The following MEGF6 variants were observed in gnomAD, a reference collection of about 807,000 sequenced individuals.
The protein encoded by MEGF6 is multiple epidermal growth factor-like domains protein 6.
Under a neutral mutation model 207.1 loss-of-function variants are expected in MEGF6, and 184 were observed. The ratio of observed to expected loss-of-function variants is 0.89; its 90% CI spans 0.79 to 1.00. The LOEUF (loss-of-function observed/expected upper bound fraction) is 1.00. Ranked by LOEUF, MEGF6 falls within the 50% of genes least tolerant of loss-of-function variation. The probability of loss-of-function intolerance (pLI) is 0.00; values close to 1 mark genes in which losing one functional copy is unlikely to be tolerated. For missense variants in MEGF6, 2,282 were observed against 2,202.9 expected, an observed-to-expected ratio of 1.04 and a Z score of -0.72; for synonymous variants, 1,038 against 910.0, an observed-to-expected ratio of 1.14 and a Z score of -2.53.
At chr1:3,511,456 A>T in intron 9 of MEGF6, 94 bp downstream of exon 9, 1 of 1,412,794 alleles carries the variant, frequency 7.1e-7, no homozygotes, top group Non-Finnish European at 9.4e-7. Context: ...ACTGACGAGG[A>T]CCTCCAAGTC....
At chr1:3,602,106 C>A (rs966752608) in intron 2 of MEGF6, among the ~76,000 whole-genome samples, 2 of 152,244 alleles carry the variant, frequency 1.3e-5, no homozygotes, top group African/African-American at 4.8e-5. Context: ...TGTTGGGGAA[C>A]AAGGCCCTAG....
Position 3,536,888 on chromosome 1 carries a change from A to G in MEGF6, c.482-12642T>C, listed in dbSNP as rs540301365. Among the ~76,000 whole-genome samples the G allele has an allele frequency of 1.3e-4, 20 of 151,974 alleles. No individual in the cohort carries two copies. The South Asian group carries it at 4.2e-3, about 32-fold the overall frequency. ...TGGAAGTGGACGAGGTCCAGCCAAC[A>G]CCCCCAACTGCTGTGTGTGTCTGTC... On this transcript the variant is annotated intron_variant, in intron 4 of 36. Coordinates refer to ENST00000356575, the MANE Select transcript of MEGF6 (RefSeq NM_001409.4).
chr1:3,597,328 C>T (rs1219895009), intron 2 of MEGF6, among the ~76,000 whole-genome samples: 3 of 152,300 alleles, frequency 2.0e-5, no homozygotes, highest in Non-Finnish European at 4.4e-5. Context: ...GCCGCCCTGA[C>T]GCCTGGGTCC....
Position 3,509,132 on chromosome 1 carries a change from C to A in MEGF6, c.1471G>T (p.Gly491Trp). Residue 491 changes from glycine to tryptophan, a missense_variant, in exon 12 of 37, where the codon GGG (glycine) becomes TGG (tryptophan). Gly to Trp is a radical substitution (Grantham distance 184). Coordinates refer to ENST00000356575, the MANE Select transcript of MEGF6 (RefSeq NM_001409.4). ...AACTCTGCCTCTTCCTCATCGGCCC[C>A]GACGTCGTCATCCTGGAAGAGTTGC... ...LPQLFQDDDV[G>W]ADEEEAELRG... 1 of 1,600,366 alleles carries A rather than the reference C, an allele frequency of 6.2e-7. No individual in the cohort carries two copies. The highest frequency in any genetic ancestry group is 8.5e-7 in the Non-Finnish European group (1 of 1,174,316).
At chr1:3,536,620 T>A (rs953179190) in intron 4 of MEGF6, among the ~76,000 whole-genome samples, 8 of 152,032 alleles carry the variant, frequency 5.3e-5, no homozygotes, top group African/African-American at 1.9e-4. Context: ...CTGGAAGCTG[T>A]TTGGGAAATG....
rs1643316600 is a variant in MEGF6 at position 3,565,434 on chromosome 1, G to C, written c.481+14391C>G. ...CCAGGGGGTGCCAGCGCCCCACCCT[G>C]AGCACGCGGCAAGAAGGGAGGTGGG... On this transcript the variant is annotated intron_variant, in intron 4 of 36. Coordinates refer to ENST00000356575, the MANE Select transcript of MEGF6 (RefSeq NM_001409.4). This position sits in a 1 kb window ranked among gnomAD's most constrained non-coding sequence, Gnocchi z 4.8. Among the ~76,000 whole-genome samples, 1 of 152,184 alleles carries C rather than the reference G, an allele frequency of 6.6e-6. No homozygotes were observed. The highest frequency in any genetic ancestry group is 2.4e-5 in the African/African-American group (1 of 41,446).
At position 3,498,786 on chromosome 1, in the gene MEGF6, G is replaced by A. The variant is rs185720697; in HGVS notation, c.3135C>T (p.Ser1045=). Reference sequence around the variant, plus strand: ...AGGTCCCTCCGTTCTGGCAGAGGCAGGAATGCCGACAGTTGTCGCCGTACA... The same window carrying A: ...AGGTCCCTCCGTTCTGGCAGAGGCAAGAATGCCGACAGTTGTCGCCGTACA... ...AGLYGDNCRH[S]CLCQNGGTCD... Residue 1045 remains serine (S), a synonymous_variant, in exon 25 of 37, where the codon TCC becomes TCT. Coordinates refer to ENST00000356575, the MANE Select transcript of MEGF6 (RefSeq NM_001409.4). The A allele has an allele frequency of 1.9e-6, 3 of 1,556,428 alleles. No individual in the cohort carries two copies. The highest frequency in any genetic ancestry group is 1.4e-5 in the African/African-American group (1 of 73,652).
Position 3,611,345 on chromosome 1 carries a change from G to A in MEGF6, c.-77C>T. On this transcript the variant is annotated 5_prime_UTR_variant, in exon 1 of 37. Transcript: ENST00000356575. ...CTCCCCGGAGCCTCCGCCTCCACGT[G>A]CGCCATAGGACGCAGCCACAGGTGC... The A allele has an allele frequency of 7.3e-7, 1 of 1,375,190 alleles. No homozygotes were observed. The highest frequency in any genetic ancestry group is 9.3e-7 in the Non-Finnish European group (1 of 1,070,398). The allele number at this position is 1,375,190 out of a possible 1,614,324, so 85.2% of individuals were successfully genotyped here. A position where few individuals can be genotyped will look rare whatever the true frequency, so the allele number is the denominator to read the frequency against.
chr1:3,508,972 T>C (rs1641224062), intron 12 of MEGF6, 103 bp downstream of exon 12: 3 of 1,325,584 alleles, frequency 2.3e-6, no homozygotes, highest in African/African-American at 1.5e-5. Context: ...GCAGGGGTCC[T>C]TCCTCACGTC....
chr1:3,599,823 T>A (rs1644130611), intron 2 of MEGF6, among the ~76,000 whole-genome samples: 1 of 152,016 alleles, frequency 6.6e-6, no homozygotes, highest in Non-Finnish European at 1.5e-5. Context: ...CTGCTGGGGC[T>A]GTTCTGCGCG....
rs764288990 is a variant in MEGF6, at chr1:3,507,895, G to A, written c.1689C>T (p.Asn563=). The change falls in exon 14 of 37, where the codon AAC becomes AAT. Residue 563 remains asparagine, a synonymous_variant. Transcript: ENST00000356575. The stretch of plus-strand genomic sequence containing the variant: ...TCTGACAGCTGCAGGAGAAGCTGCA[G>A]TTCTTCCCAAAGGTGTCCGGAGGAC... The part of the protein sequence containing the change: ...ETCPPDTFGK[N]CSFSCSCQNG... The A allele has an allele frequency of 1.6e-5, 25 of 1,612,808 alleles. No individual in the cohort carries two copies. In the East Asian group the frequency reaches 5.1e-4, roughly 33 times the overall value.
chr1:3,554,246 G>T (rs1302134517), intron 4 of MEGF6, among the ~76,000 whole-genome samples: 2 of 152,176 alleles, frequency 1.3e-5, no homozygotes, highest in Non-Finnish European at 2.9e-5. Context: ...GAGGACTCTG[G>T]GTTCCAACAC....
chr1:3,491,928 G>A (rs189026516), intron 35 of MEGF6, among the ~76,000 whole-genome samples: 2 of 151,598 alleles, frequency 1.3e-5, no homozygotes, highest in East Asian at 3.9e-4. Context: ...GCTGGAGCAC[G>A]CTCACACATG....
chr1:3,569,162 G>A (rs1048668344), intron 4 of MEGF6, among the ~76,000 whole-genome samples: 7 of 152,226 alleles, frequency 4.6e-5, no homozygotes, highest in Admixed American at 2.0e-4. Flanking sequence ...GCCACCAGCC[G>A]CCTGTTCAGG....
rs577000674 is a variant in MEGF6 at position 3,573,719 on chromosome 1, G to C, written c.481+6106C>G. ...CCCTCCCACCACTCCCTGGGGCACA[G>C]AGTCTGAGTCTGGCAGCGGCAGCTC... On this transcript the variant is annotated intron_variant, in intron 4 of 36. Transcript: ENST00000356575. This position sits in a 1 kb window ranked among gnomAD's most constrained non-coding sequence, Gnocchi z 5.1. Among the ~76,000 whole-genome samples the C allele has an allele frequency of 9.8e-5, 15 of 152,286 alleles. No homozygotes were observed. The highest frequency in any genetic ancestry group is 3.4e-4 in the African/African-American group (14 of 41,576).
At chr1:3,586,224 G>A (rs912632349) in intron 3 of MEGF6, among the ~76,000 whole-genome samples, 2 of 152,230 alleles carry the variant, frequency 1.3e-5, no homozygotes, top group Non-Finnish European at 1.5e-5. Context: ...CATGTCCTGT[G>A]TGTGGGTGTG....
In MEGF6 at chr1:3,509,144, C is replaced by T. The variant is rs775919968; in HGVS notation, c.1459G>A (p.Asp487Asn). 1.4e-5 allele frequency: 22 copies of T among 1,595,536 alleles called. No homozygotes were observed. The highest frequency in any genetic ancestry group is 1.7e-4 in the Middle Eastern group (1 of 6,034). ...LQDELPQLFQ[D>N]DDVGADEEEA... is the part of the protein sequence containing the mutation. The stretch of plus-strand genomic sequence containing the variant: ...TCCTCATCGGCCCCGACGTCGTCAT[C>T]CTGGAAGAGTTGCGGCAGCTCGTCC... The change falls in exon 12 of 37, where the codon GAT becomes AAT. Residue 487 changes from aspartate to asparagine, a missense_variant. Transcript: ENST00000356575.
rs761872964 is a variant in MEGF6, at chr1:3,506,245, AGCGGG to A, written c.1790-14_1790-10del. The A allele has an allele frequency of 6.8e-6, 11 of 1,607,596 alleles. No individual in the cohort carries two copies. In the South Asian group the frequency reaches 1.2e-4, roughly 18 times the overall value. On this transcript the variant is annotated splice_polypyrimidine_tract_variant and intron_variant, in intron 14 of 36. Coordinates refer to ENST00000356575, the MANE Select transcript of MEGF6 (RefSeq NM_001409.4). The stretch of plus-strand genomic sequence containing the variant: ...GTAGCCCTTGGGGCAGCCTGGGGGC[AGCGGG>A]GCTCCATGTGAACCTTGGTGGCAGC...
chr1:3,525,283 C>A (rs553521007), intron 4 of MEGF6, among the ~76,000 whole-genome samples: 1 of 152,356 alleles, frequency 6.6e-6, no homozygotes, highest in African/African-American at 2.4e-5. Context: ...TGGTTTAGAA[C>A]CACGTGTCCT....
Sources: allele counts gnomAD v4.1 joint callset (sites outside exome capture counted in the v4.1 genomes callset), GRCh38; gene constraint gnomAD v4.1.1; non-coding constraint Gnocchi (gnomAD v3.1); transcripts MANE v1.5; gene names NCBI Gene and HGNC (gene_info 2026-07-23, HGNC 2026-07-21).